The following RASA3 variants were observed in gnomAD, a reference collection of about 807,000 sequenced individuals.
RASA3 encodes the protein RAS p21 protein activator 3.
Under a neutral mutation model 110.0 loss-of-function variants are expected in RASA3, and 73 were observed. That is an observed-to-expected ratio of 0.66 (90% confidence interval 0.55 to 0.81). The LOEUF is 0.81. Ranked by LOEUF, RASA3 falls within the 30% of genes least tolerant of loss-of-function variation. RASA3 has a pLI of 0.00. For synonymous variants in RASA3, 500 were observed against 451.4 expected (o/e 1.11, Z -1.37); for missense variants, 976 against 1,113.2 (o/e 0.88, Z 1.75).
intron 7 of RASA3, 80 bp downstream of exon 7, chr13:114,027,309 A>G: frequency 8.3e-7 from 1 of 1,198,586 alleles, no homozygotes; most frequent in Non-Finnish European, 1.2e-6. Context: ...AGAGACTGAG[A>G]TCATTCTGGA....
At chr13:114,119,289 CTT>C (rs2080333609) in intron 1 of RASA3, among the ~76,000 whole-genome samples, 2 of 152,214 alleles carry the variant, frequency 1.3e-5, no homozygotes, top group African/African-American at 2.4e-5. Context: ...CTGAGAAACT[CTT>C]TCTCTAAATA....
At chr13:114,092,335 G>GC (rs2079898430) in intron 1 of RASA3, among the ~76,000 whole-genome samples, 1 of 152,106 alleles carries the variant, frequency 6.6e-6, no homozygotes, top group Non-Finnish European at 1.5e-5. Flanking sequence ...TGCTTTTGCT[G>GC]TATCCCATAG....
intron 4 of RASA3, among the ~76,000 whole-genome samples, chr13:114,036,516 G>A (rs1391981365): frequency 6.6e-6 from 1 of 152,122 alleles, no homozygotes; most frequent in African/African-American, 2.4e-5. Context: ...CCTGAGACTG[G>A]AGTTGTGGGG....
At chr13:114,024,070 C>T (rs1010574846) in intron 8 of RASA3, among the ~76,000 whole-genome samples, 1 of 152,246 alleles carries the variant, frequency 6.6e-6, no homozygotes, top group Non-Finnish European at 1.5e-5. Context: ...CTCTGGCTTT[C>T]GCCTCTTCGC....
At chr13:114,106,297 T>C (rs2080135116) in intron 1 of RASA3, among the ~76,000 whole-genome samples, 1 of 152,190 alleles carries the variant, frequency 6.6e-6, no homozygotes, top group South Asian at 2.1e-4. Flanking sequence ...AGAAAGACGC[T>C]AACGTGCCAG....
intron 1 of RASA3, among the ~76,000 whole-genome samples, chr13:114,075,321 C>A (rs2079650713): frequency 6.6e-6 from 1 of 152,190 alleles, no homozygotes; most frequent in Admixed American, 6.5e-5. Flanking sequence ...AGTTTGCAAA[C>A]TGGCATGCCA....
intron 21 of RASA3, among the ~76,000 whole-genome samples, chr13:113,995,071 C>T (rs1167533119): frequency 3.3e-5 from 5 of 152,236 alleles, no homozygotes; most frequent in Admixed American, 6.5e-5. Flanking sequence ...CCGGCCTCAG[C>T]GGCTGGAGCC....
In RASA3 at chr13:114,089,471, C is replaced by T. The variant is rs2079864352; in HGVS notation, c.56-15634G>A. Reference sequence around the variant, plus strand: ...TGCCCGGCAAGCCCAGGCAGAGGACCAAGCAGAAGGTGCTGTCTGATCCAG... The same window carrying T: ...TGCCCGGCAAGCCCAGGCAGAGGACTAAGCAGAAGGTGCTGTCTGATCCAG... On this transcript the variant is annotated intron_variant, in intron 1 of 23. Coordinates refer to ENST00000334062, the MANE Select transcript of RASA3 (RefSeq NM_007368.4). Among the ~76,000 whole-genome samples, 2 of 151,910 alleles carry T rather than the reference C, an allele frequency of 1.3e-5. 1 individual carries two copies. The highest frequency in any genetic ancestry group is 4.8e-5 in the African/African-American group (2 of 41,362).
At chr13:114,019,209 G>T (rs901296599) in intron 9 of RASA3, among the ~76,000 whole-genome samples, 2 of 152,244 alleles carry the variant, frequency 1.3e-5, no homozygotes, top group Non-Finnish European at 2.9e-5. Flanking sequence ...AACCGGCACA[G>T]AAGTGGTCAG....
intron 1 of RASA3, among the ~76,000 whole-genome samples, chr13:114,130,895 A>G (rs1223759564): frequency 6.6e-6 from 1 of 151,864 alleles, no homozygotes; most frequent in Admixed American, 6.5e-5. Context: ...TGGCTGAGCC[A>G]AGCAGCCTTG....
chr13:114,097,901 C>T (rs536043112), intron 1 of RASA3, among the ~76,000 whole-genome samples: 12 of 152,300 alleles, frequency 7.9e-5, no homozygotes, highest in South Asian at 2.1e-4. Flanking sequence ...CTGTGCACGC[C>T]GTGCAGCAGT....
chr13:114,066,476 TCCTCGGTGCGGCCC>T (rs2079451898), intron 2 of RASA3, among the ~76,000 whole-genome samples: 1 of 152,064 alleles, frequency 6.6e-6, no homozygotes, highest in African/African-American at 2.4e-5. Flanking sequence ...CCTCATGGGA[TCCTCGGTGCGGCCC>T]CCTCGTGACA....
rs572397759 is a variant in RASA3, at chr13:113,978,985, C to G, written c.*362G>C. 6.4e-6 allele frequency: 2 copies of G among 312,152 alleles called. No individual in the cohort carries two copies. The highest frequency in any genetic ancestry group is 9.1e-5 in the Admixed American group (2 of 22,082). 19.3% of individuals were successfully genotyped at this position (312,152 alleles called of 1,614,324 possible). The stretch of plus-strand genomic sequence containing the variant: ...TGCACGAGACTGACGCACACACGGC[C>G]GGAGGTGCATGTCACAGTCGACTAG... On this transcript the variant is annotated 3_prime_UTR_variant, in exon 24 of 24. Transcript: ENST00000334062.
chr13:114,129,201 T>G (rs527742180), intron 1 of RASA3, among the ~76,000 whole-genome samples: 1 of 152,338 alleles, frequency 6.6e-6, no homozygotes, highest in African/African-American at 2.4e-5. Flanking sequence ...ATAGGAAGTG[T>G]GGCTCAGTCA....
At chr13:114,116,940 AGCACGTGTGTGAGGGG>A in intron 1 of RASA3, among the ~76,000 whole-genome samples, 1 of 63,294 alleles carries the variant, frequency 1.6e-5, no homozygotes, top group African/African-American at 6.3e-5. Flanking sequence ...GTGTGAGGGG[AGCACGTGTGTGAGGGG>A]TGCACGTGTG....
rs1323123743 is a variant in RASA3 at position 114,096,354 on chromosome 13, G to A, written c.56-22517C>T. 6.6e-6 allele frequency among the ~76,000 whole-genome samples: 1 copy of A among 152,206 alleles called. No individual in the cohort carries two copies. Among genetic ancestry groups the A allele is most frequent in the Non-Finnish European group, 1.5e-5 (1 of 68,030 alleles). The stretch of plus-strand genomic sequence containing the variant: ...CGCCTCTCTCACAGTCACCTCAACA[G>A]CATCTCAGCCGTTGTCCGACACTGG... On this transcript the variant is annotated intron_variant, in intron 1 of 23. Transcript: ENST00000334062. The surrounding 1 kb of genome is among the most constrained non-coding windows in gnomAD (Gnocchi z 5.1).
intron 1 of RASA3, among the ~76,000 whole-genome samples, chr13:114,110,757 C>T (rs1371324107): frequency 6.6e-6 from 1 of 152,274 alleles, no homozygotes; most frequent in African/African-American, 2.4e-5. Context: ...CGCGTCCCCA[C>T]AGCCCGGACC....
Position 114,112,143 on chromosome 13 carries a change from A to G in RASA3, c.55+20292T>C, listed in dbSNP as rs1374171950. On this transcript the variant is annotated intron_variant, in intron 1 of 23. Coordinates refer to ENST00000334062, the MANE Select transcript of RASA3 (RefSeq NM_007368.4). This position sits in a 1 kb window ranked among gnomAD's most constrained non-coding sequence, Gnocchi z 4.8. The stretch of plus-strand genomic sequence containing the variant: ...ACAAGGGCACACCAGGCTAATTTTT[A>G]ATCAGATGGATTTAGTGATAGCAAA... Among the ~76,000 whole-genome samples, 1 of 144,934 alleles carries G rather than the reference A, an allele frequency of 6.9e-6. No homozygotes were observed. Among genetic ancestry groups the G allele is most frequent in the Non-Finnish European group, 1.5e-5 (1 of 65,266 alleles).
At chr13:114,089,441 A>C (rs2079864003) in intron 1 of RASA3, among the ~76,000 whole-genome samples, 1 of 151,822 alleles carries the variant, frequency 6.6e-6, no homozygotes, top group Non-Finnish European at 1.5e-5. Context: ...TGAGCCCCGC[A>C]CAGGTGCCCG....
Sources: gnomAD v4.1 joint callset for allele counts (sites outside exome capture counted in the v4.1 genomes callset) on GRCh38, gnomAD v4.1.1 for gene constraint, Gnocchi (gnomAD v3.1) non-coding constraint, MANE v1.5 for transcripts, NCBI Gene and HGNC (gene_info 2026-07-23, HGNC 2026-07-21) for gene names.